FASTKD2: variants seen among roughly 807,000 people sequenced by gnomAD.
FASTKD2 encodes FAST kinase domains 2, also known as FAST kinase domain-containing protein 2, mitochondrial.
In FASTKD2, 51 loss-of-function variants were observed where a neutral mutation model predicts 63.6. The ratio of observed to expected loss-of-function variants is 0.80; its 90% CI spans 0.64 to 1.01. FASTKD2 has a LOEUF of 1.01. Ranked by LOEUF, FASTKD2 falls within the 50% of genes least tolerant of loss-of-function variation. The pLI is 0.00. For synonymous variants in FASTKD2, 284 were observed against 293.4 expected, an observed-to-expected ratio of 0.97 and a Z score of 0.33; for missense variants, 786 against 831.1, an observed-to-expected ratio of 0.95 and a Z score of 0.67.
chr2:206,771,907 G>A lies in FASTKD2; in HGVS notation c.1004G>A (p.Arg335Lys), dbSNP rs1381794768. ...TTTTTTCTTTAGATGAAAGCCTTGAGGGAATTAGACAGATTTTCTGTTTTG... is the reference window on the plus strand; with the variant it reads ...TTTTTTCTTTAGATGAAAGCCTTGAAGGAATTAGACAGATTTTCTGTTTTG... ...LKRKLEMKAL[R>K]ELDRFSVLNS... Residue 335 changes from arginine (R) to lysine (K), a missense_variant, in exon 5 of 12, where the codon AGG (arginine) becomes AAG (lysine). Arg to Lys is a conservative substitution (Grantham distance 26). Transcript: ENST00000402774. The A allele has an allele frequency of 1.9e-6, 3 of 1,604,216 alleles. No homozygotes were observed. The highest frequency in any genetic ancestry group is 3.3e-5 in the Admixed American group (2 of 59,972).
Position 206,771,925 on chromosome 2 carries a change from CT to C in FASTKD2, c.1023del (p.Val342PhefsTer2), listed in dbSNP as rs1282256173. 6.2e-7 allele frequency: 1 copy of C among 1,609,208 alleles called. No individual in the cohort carries two copies. Among genetic ancestry groups the C allele is most frequent in the South Asian group, 1.1e-5 (1 of 90,978 alleles). The stretch of plus-strand genomic sequence containing the variant: ...GCCTTGAGGGAATTAGACAGATTTT[CT>C]GTTTTGAATAGCCAACACATGTTTG... ...MKALRELDRF[S>X]VLNSQHMFEV... On this transcript the variant is annotated frameshift_variant, in exon 5 of 12. Coordinates refer to ENST00000402774, the MANE Select transcript of FASTKD2 (RefSeq NM_001136193.2). LOFTEE classifies it high-confidence loss of function.
intron 1 of FASTKD2, among the ~76,000 whole-genome samples, chr2:206,766,259 C>CAAAAA (rs60933510): frequency 3.6e-5 from 2 of 55,978 alleles, no homozygotes; most frequent in African/African-American, 6.8e-5. Flanking sequence ...GACTTTGTCT[C>CAAAAA]AAAAAAAAAA....
In FASTKD2 at chr2:206,787,638, G is replaced by A. The variant is rs533009024; in HGVS notation, c.1595-299G>A. On this transcript the variant is annotated intron_variant, in intron 8 of 11. Transcript: ENST00000402774. Reference sequence around the variant, plus strand: ...CTAGTTCCAACTTTGCCTTAATTACGAGGCTTTTTAACTTTCCTGGGCATT... The same window carrying A: ...CTAGTTCCAACTTTGCCTTAATTACAAGGCTTTTTAACTTTCCTGGGCATT... 2.0e-5 allele frequency among the ~76,000 whole-genome samples: 3 copies of A among 152,134 alleles called. No homozygotes were observed. In the South Asian group the frequency reaches 6.2e-4, roughly 32 times the overall value.
chr2:206,787,879 GT>G, intron 8 of FASTKD2, 57 bp from the exon 9 acceptor site: 1 of 899,608 alleles, frequency 1.1e-6, no homozygotes, highest in African/African-American at 1.7e-5. Flanking sequence ...TACTAATATA[GT>G]TTTTTAATGT....
rs1374136754 is a variant in FASTKD2, at chr2:206,792,669, T to G, written c.*867T>G. Among the ~76,000 whole-genome samples, 6 of 152,138 alleles carry G rather than the reference T, an allele frequency of 3.9e-5. No individual in the cohort carries two copies. Among genetic ancestry groups the G allele is most frequent in the Non-Finnish European group, 4.4e-5 (3 of 68,036 alleles). ...TCTCTTGTGGAACTTACAGCATGGG[T>G]TCCATGCAAGTTGGTGTTATTCTGC... is the stretch of plus-strand genomic sequence containing the variant. On this transcript the variant is annotated 3_prime_UTR_variant, in exon 12 of 12. Transcript: ENST00000402774.
chr2:206,765,974 A>T (rs1299434533), intron 1 of FASTKD2, among the ~76,000 whole-genome samples: 2 of 151,950 alleles, frequency 1.3e-5, no homozygotes, highest in Admixed American at 6.6e-5. Flanking sequence ...CTAAATCGTC[A>T]TGTTGAAAAT....
chr2:206,786,968 C>A, intron 8 of FASTKD2, 69 bp downstream of exon 8: 5 of 958,148 alleles, frequency 5.2e-6, no homozygotes, highest in Non-Finnish European at 6.6e-6. Flanking sequence ...TACCATATGA[C>A]TCTGAATGGG....
intron 11 of FASTKD2, 123 bp downstream of exon 11, chr2:206,790,809 G>T: frequency 1.4e-6 from 1 of 730,490 alleles, no homozygotes; most frequent in Non-Finnish European, 2.5e-6. Flanking sequence ...ATTGGAATGA[G>T]TGCTTTAGTT....
At chr2:206,789,210 G>T in intron 10 of FASTKD2, 1 of 280,928 alleles carries the variant, frequency 3.6e-6, no homozygotes, top group Non-Finnish European at 6.8e-6. Flanking sequence ...TGTAGACTTT[G>T]GACAAGATAA....
chr2:206,772,150 TTTTG>T (rs764831947), intron 5 of FASTKD2, 27 bp from the exon 6 acceptor site: 19 of 1,601,118 alleles, frequency 1.2e-5, no homozygotes, highest in Admixed American at 5.0e-5. Flanking sequence ...ATCAGGTAAT[TTTTG>T]TTTGTTTATT....
chr2:206,789,108 G>A, intron 10 of FASTKD2: 1 of 554,048 alleles, frequency 1.8e-6, no homozygotes, highest in South Asian at 2.3e-5. Context: ...TACAGTATTG[G>A]TCATTTAATG....
rs571571435 is a variant in FASTKD2 at position 206,781,934 on chromosome 2, C to T, written c.1428-4799C>T. ...GCTCCTTGGACAGCTCACCAAAAGG[C>T]TAGGATGTTGAAGACATGCTCCACT... On this transcript the variant is annotated intron_variant, in intron 7 of 11. Transcript: ENST00000402774. 4.1e-4 allele frequency among the ~76,000 whole-genome samples: 62 copies of T among 152,210 alleles called. No homozygotes were observed. In the South Asian group the frequency reaches 5.8e-3, roughly 14 times the overall value.
intron 7 of FASTKD2, among the ~76,000 whole-genome samples, chr2:206,778,990 T>C (rs1237827707): frequency 6.6e-6 from 1 of 152,188 alleles, no homozygotes; most frequent in Non-Finnish European, 1.5e-5. Flanking sequence ...AGTCCTTTGT[T>C]TTCTTACTGA....
Position 206,766,313 on chromosome 2 carries a change from C to G in FASTKD2, c.-50-331C>G, listed in dbSNP as rs567024145. Among the ~76,000 whole-genome samples the G allele has an allele frequency of 5.7e-5, 8 of 139,204 alleles. No homozygotes were observed. The South Asian group carries it at 1.9e-3, about 34-fold the overall frequency. The allele number at this position is 139,204 out of a possible 152,430, so 91.3% of individuals were successfully genotyped here. On this transcript the variant is annotated intron_variant, in intron 1 of 11. Coordinates refer to ENST00000402774, the MANE Select transcript of FASTKD2 (RefSeq NM_001136193.2). ...GAGAAGAGAAAAGAAAATGATCTAT[C>G]AATGCTAATCCCCTAATTTTCACCG...
At chr2:206,777,093 T>G (rs1689843364) in intron 7 of FASTKD2, among the ~76,000 whole-genome samples, 2 of 152,116 alleles carry the variant, frequency 1.3e-5, no homozygotes, top group Non-Finnish European at 2.9e-5. Flanking sequence ...TTTTGGATAG[T>G]TTGTTATAAG....
In FASTKD2 at chr2:206,771,904, T is replaced by TA. The variant is rs775962617; in HGVS notation, c.1001_1002insA (p.Arg335GlufsTer11). 11 of 1,603,336 alleles carry TA rather than the reference T, an allele frequency of 6.9e-6. No homozygotes were observed. The highest frequency in any genetic ancestry group is 9.4e-6 in the Non-Finnish European group (11 of 1,170,260). ...TTGTTTTTTCTTTAGATGAAAGCCT[T>TA]GAGGGAATTAGACAGATTTTCTGTT... On this transcript the variant is annotated frameshift_variant, in exon 5 of 12. Transcript: ENST00000402774. LOFTEE classifies it high-confidence loss of function.
At chr2:206,775,070 T>A (rs1439590065) in intron 7 of FASTKD2, among the ~76,000 whole-genome samples, 1 of 152,080 alleles carries the variant, frequency 6.6e-6, no homozygotes, top group Non-Finnish European at 1.5e-5. Flanking sequence ...TTGTAGCATG[T>A]GATGAGATTT....
In FASTKD2 at chr2:206,772,035, T is replaced by A. The variant is rs902121026; in HGVS notation, c.1114+18T>A. ...GGTCCTAGGTAAGAGGAATTTTTCT[T>A]TCATCATTTGCAATACCTGAGCTTC... On this transcript the variant is annotated intron_variant, in intron 5 of 11. Coordinates refer to ENST00000402774, the MANE Select transcript of FASTKD2 (RefSeq NM_001136193.2). The A allele has an allele frequency of 6.2e-7, 1 of 1,613,486 alleles. No homozygotes were observed. Among genetic ancestry groups the A allele is most frequent in the Middle Eastern group, 1.7e-4 (1 of 6,058 alleles).
chr2:206,768,369 A>G (rs528918352), intron 2 of FASTKD2, among the ~76,000 whole-genome samples: 2 of 152,298 alleles, frequency 1.3e-5, no homozygotes, highest in Admixed American at 6.5e-5. Flanking sequence ...TTATGTTTTA[A>G]GAGTGTACAC....
Sources: allele counts gnomAD v4.1 joint callset (sites outside exome capture counted in the v4.1 genomes callset), GRCh38; gene constraint gnomAD v4.1.1; transcripts MANE v1.5; gene names NCBI Gene and HGNC (gene_info 2026-07-23, HGNC 2026-07-21).